The following RTP4 variants were observed in gnomAD, a reference collection of about 807,000 sequenced individuals.
RTP4 encodes the protein receptor-transporting protein 4.
RTP4 carries 5 observed loss-of-function variants against 6.5 expected under a neutral mutation model. The ratio of observed to expected loss-of-function variants is 0.77; its 90% CI spans 0.40 to 1.62. RTP4 has a LOEUF of 1.62. RTP4 is among the 40% of genes most tolerant of loss of function. The probability of loss-of-function intolerance (pLI) is 0.02; values close to 1 mark genes in which losing one functional copy is unlikely to be tolerated. For missense variants in RTP4, 266 were observed against 288.7 expected (o/e 0.92, Z 0.57); for synonymous variants, 112 against 114.8 (o/e 0.98, Z 0.15).
In RTP4 at chr3:187,368,586, G is replaced by A. The variant is rs1220614118; in HGVS notation, c.145G>A (p.Ala49Thr). Residue 49 changes from alanine to threonine, a missense_variant, in exon 1 of 2, where the codon GCA (alanine) becomes ACA (threonine). By Grantham distance (58) the Ala-to-Thr change is moderately conservative. Coordinates refer to ENST00000259030, the MANE Select transcript of RTP4 (RefSeq NM_022147.3). Reference protein sequence around the residue: ...AQGWKQYQQRAFGWFRCSSCQ... With the variant: ...AQGWKQYQQRTFGWFRCSSCQ... ...AGGGTGGAAGCAATACCAACAGAGA[G>A]CATTTGGCTGGTGAGTGTGGGTTTC... 6.2e-7 allele frequency: 1 copy of A among 1,610,714 alleles called. No individual in the cohort carries two copies. Among genetic ancestry groups the A allele is most frequent in the Admixed American group, 1.7e-5 (1 of 59,214 alleles).
chr3:187,370,778 C>T lies in RTP4; in HGVS notation c.156-10C>T, dbSNP rs373989921. 14 of 1,606,830 alleles carry T rather than the reference C, an allele frequency of 8.7e-6. No individual in the cohort carries two copies. The African/African-American group carries it at 1.3e-4, about 15-fold the overall frequency. On this transcript the variant is annotated splice_polypyrimidine_tract_variant and intron_variant, in intron 1 of 1. Transcript: ENST00000259030. Reference sequence around the variant, plus strand: ...TGAAGGCATAATGGGTGTCTTCCTTCTGACTGCAGGTTCCGGTGTTCCTCC... The same window carrying T: ...TGAAGGCATAATGGGTGTCTTCCTTTTGACTGCAGGTTCCGGTGTTCCTCC...
Position 187,370,920 on chromosome 3 carries a change from C to T in RTP4, c.288C>T (p.Cys96=). The T allele has an allele frequency of 6.2e-7, 1 of 1,614,200 alleles. No homozygotes were observed. Among genetic ancestry groups the T allele is most frequent in the South Asian group, 1.1e-5 (1 of 91,076 alleles). The change falls in exon 2 of 2, where the codon TGC becomes TGT. Residue 96 remains cysteine, a synonymous_variant. Transcript: ENST00000259030. ...MRLFGQRCQK[C]SWSQYEMPEF... ...TCTTTGGCCAAAGGTGCCAGAAGTG[C>T]TCCTGGTCCCAATATGAGATGCCTG...
chr3:187,368,900 G>A (rs1711552917), intron 1 of RTP4, among the ~76,000 whole-genome samples: 2 of 151,952 alleles, frequency 1.3e-5, no homozygotes, highest in Admixed American at 1.3e-4. Context: ...ATTTGTTCCA[G>A]ACTACCTCTA....
At position 187,372,013 on chromosome 3, in the gene RTP4, A is replaced by C. The variant is rs968034758; in HGVS notation, c.*640A>C. 3 of 152,298 alleles carry C rather than the reference A, an allele frequency of 2.0e-5. No homozygotes were observed. The highest frequency in any genetic ancestry group is 7.2e-5 in the African/African-American group (3 of 41,460). 9.4% of individuals were successfully genotyped at this position (152,298 alleles called of 1,614,324 possible). ...GCCTGCACATGGCTTTAGCCCAGTG[A>C]CACTGATTTTGGACATCTGACCTTC... is the stretch of plus-strand genomic sequence containing the variant. On this transcript the variant is annotated 3_prime_UTR_variant, in exon 2 of 2. Coordinates refer to ENST00000259030, the MANE Select transcript of RTP4 (RefSeq NM_022147.3).
chr3:187,371,434 C>A lies in RTP4; in HGVS notation c.*61C>A. On this transcript the variant is annotated 3_prime_UTR_variant, in exon 2 of 2. Coordinates refer to ENST00000259030, the MANE Select transcript of RTP4 (RefSeq NM_022147.3). ...CCATGGTAGTCAATGAACTGGCTGC[C>A]ACTTTAATATAACTGAAAATTCATT... The A allele has an allele frequency of 8.2e-7, 1 of 1,218,498 alleles. No individual in the cohort carries two copies. Among genetic ancestry groups the A allele is most frequent in the South Asian group, 1.5e-5 (1 of 68,368 alleles). The allele number at this position is 1,218,498 out of a possible 1,614,324, so 75.5% of individuals were successfully genotyped here.
At chr3:187,369,316 A>G (rs1579643255) in intron 1 of RTP4, among the ~76,000 whole-genome samples, 1 of 151,950 alleles carries the variant, frequency 6.6e-6, no homozygotes, top group Non-Finnish European at 1.5e-5. Context: ...TTTTCATCTG[A>G]CCTATTACTC....
intron 1 of RTP4, among the ~76,000 whole-genome samples, chr3:187,370,135 G>A (rs1162332776): frequency 6.6e-6 from 1 of 152,202 alleles, no homozygotes. Flanking sequence ...GTTATAGAAG[G>A]GAAGGGCTTT....
chr3:187,370,272 T>A (rs6775736), intron 1 of RTP4, among the ~76,000 whole-genome samples: 144,549 of 152,278 alleles, frequency 0.95, 69,037 homozygotes, highest in Non-Finnish European at 1. Flanking sequence ...GGTAAATGAG[T>A]TGAATTTCAG....
rs1711610444 is a variant in RTP4, at chr3:187,371,257, G to T, written c.625G>T (p.Ala209Ser). The T allele has an allele frequency of 6.2e-7, 1 of 1,612,226 alleles. No homozygotes were observed. Among genetic ancestry groups the T allele is most frequent in the African/African-American group, 1.3e-5 (1 of 74,908 alleles). ...AKNQSAEAKE[A>S]KGSGYEKLGP... ...GAACCAGTCAGCTGAGGCAAAAGAG[G>T]CTAAGGGGAGTGGGTATGAGAAATT... The change falls in exon 2 of 2, where the codon GCT becomes TCT. Residue 209 changes from alanine (A) to serine (S), a missense_variant. Coordinates refer to ENST00000259030, the MANE Select transcript of RTP4 (RefSeq NM_022147.3).
chr3:187,371,548 A>G lies in RTP4; in HGVS notation c.*175A>G. The G allele has an allele frequency of 3.4e-6, 2 of 585,244 alleles. No homozygotes were observed. The highest frequency in any genetic ancestry group is 6.0e-6 in the Non-Finnish European group (2 of 331,918). 36.3% of individuals were successfully genotyped at this position (585,244 alleles called of 1,614,324 possible). On this transcript the variant is annotated 3_prime_UTR_variant, in exon 2 of 2. Transcript: ENST00000259030. ...AGTATGAAACATGACCAAGTACATA[A>G]TGGATTTAGTAATAAATATTGTCGA...
At position 187,370,176 on chromosome 3, in the gene RTP4, T is replaced by C. The variant is rs114013075; in HGVS notation, c.156-612T>C. On this transcript the variant is annotated intron_variant, in intron 1 of 1. Coordinates refer to ENST00000259030, the MANE Select transcript of RTP4 (RefSeq NM_022147.3). ...AGGTCTTCCTGATGTAAACTGGATCTTCAACCCAGGTATGAGGGATGCAGT... is the reference window on the plus strand; with the variant it reads ...AGGTCTTCCTGATGTAAACTGGATCCTCAACCCAGGTATGAGGGATGCAGT... Among the ~76,000 whole-genome samples the C allele has an allele frequency of 3.3e-3, 499 of 152,344 alleles. 5 individuals are homozygous for C. Among genetic ancestry groups the C allele is most frequent in the African/African-American group, 0.012 (482 of 41,574 alleles).
Position 187,368,422 on chromosome 3 carries a change from C to G in RTP4, c.-20C>G, listed in dbSNP as rs748004293. 1.3e-6 allele frequency: 2 copies of G among 1,597,076 alleles called. No homozygotes were observed. The highest frequency in any genetic ancestry group is 1.1e-5 in the South Asian group (1 of 88,250). Reference sequence around the variant, plus strand: ...AACGAGCAAACCTGAAAGCTACTCTCTCAGCTTCAGAGGGAAAAAATGGTT... The same window carrying G: ...AACGAGCAAACCTGAAAGCTACTCTGTCAGCTTCAGAGGGAAAAAATGGTT... On this transcript the variant is annotated 5_prime_UTR_variant, in exon 1 of 2. Transcript: ENST00000259030.
At chr3:187,369,279 A>G (rs559624061) in intron 1 of RTP4, among the ~76,000 whole-genome samples, 78 of 152,330 alleles carry the variant, frequency 5.1e-4, no homozygotes, top group Non-Finnish European at 9.4e-4. Flanking sequence ...ATTTATTTTT[A>G]AATGACACAC....
rs1250301815 is a variant in RTP4, at chr3:187,371,378, A to C, written c.*5A>C. On this transcript the variant is annotated 3_prime_UTR_variant, in exon 2 of 2. Transcript: ENST00000259030. ...AAATGCTTTACATCAGAATGATGAA[A>C]ATAGGCTTGCCACTTTCTCTTATTT... 1 of 1,574,250 alleles carries C rather than the reference A, an allele frequency of 6.4e-7. No individual in the cohort carries two copies. The highest frequency in any genetic ancestry group is 8.6e-7 in the Non-Finnish European group (1 of 1,161,960).
Position 187,368,544 on chromosome 3 carries a change from C to G in RTP4, c.103C>G (p.Leu35Val). ...GCTGAAGTTGGATGGCAACCTTCAG[C>G]TAGACTGCCTGGCTCAAGGGTGGAA... ...WTLKLDGNLQ[L>V]DCLAQGWKQY... Residue 35 changes from leucine to valine, a missense_variant, in exon 1 of 2, where the codon CTA (leucine) becomes GTA (valine). By Grantham distance (32) the Leu-to-Val change is conservative. Coordinates refer to ENST00000259030, the MANE Select transcript of RTP4 (RefSeq NM_022147.3). The G allele has an allele frequency of 6.2e-7, 1 of 1,614,148 alleles. No individual in the cohort carries two copies. Among genetic ancestry groups the G allele is most frequent in the South Asian group, 1.1e-5 (1 of 91,088 alleles).
intron 1 of RTP4, among the ~76,000 whole-genome samples, chr3:187,370,283 A>T (rs957778239): frequency 6.6e-6 from 1 of 152,192 alleles, no homozygotes; most frequent in African/African-American, 2.4e-5. Flanking sequence ...TGAATTTCAG[A>T]TGGCCTGAGA....
In RTP4 at chr3:187,370,963, A is replaced by T. The variant is rs1711599249; in HGVS notation, c.331A>T (p.Thr111Ser). 1 of 1,614,074 alleles carries T rather than the reference A, an allele frequency of 6.2e-7. No homozygotes were observed. Among genetic ancestry groups the T allele is most frequent in the Non-Finnish European group, 8.5e-7 (1 of 1,180,046 alleles). Residue 111 changes from threonine (T) to serine (S), a missense_variant, in exon 2 of 2, where the codon ACC (threonine) becomes TCC (serine). By Grantham distance (58) the Thr-to-Ser change is moderately conservative (BLOSUM62 1). Transcript: ENST00000259030. ...YEMPEFSSDS[T>S]MRILSNLVQH... Reference sequence around the variant, plus strand: ...GATGCCTGAGTTCTCCTCGGATAGCACCATGAGGATTCTGAGCAACCTGGT... The same window carrying T: ...GATGCCTGAGTTCTCCTCGGATAGCTCCATGAGGATTCTGAGCAACCTGGT...
Position 187,371,419 on chromosome 3 carries a change from C to A in RTP4, c.*46C>A. On this transcript the variant is annotated 3_prime_UTR_variant, in exon 2 of 2. Transcript: ENST00000259030. The stretch of plus-strand genomic sequence containing the variant: ...TCTCTTATTTTAATTCCATGGTAGT[C>A]AATGAACTGGCTGCCACTTTAATAT... 1 of 1,368,282 alleles carries A rather than the reference C, an allele frequency of 7.3e-7. No individual in the cohort carries two copies. The highest frequency in any genetic ancestry group is 1.3e-5 in the South Asian group (1 of 75,976). The allele number at this position is 1,368,282 out of a possible 1,614,324, so 84.8% of individuals were successfully genotyped here.
In RTP4 at chr3:187,371,421, A is replaced by G. The variant is rs771275721; in HGVS notation, c.*48A>G. The stretch of plus-strand genomic sequence containing the variant: ...TCTTATTTTAATTCCATGGTAGTCA[A>G]TGAACTGGCTGCCACTTTAATATAA... On this transcript the variant is annotated 3_prime_UTR_variant, in exon 2 of 2. Transcript: ENST00000259030. 6.7e-6 allele frequency: 9 copies of G among 1,343,330 alleles called. No homozygotes were observed. Among genetic ancestry groups the G allele is most frequent in the African/African-American group, 4.4e-5 (3 of 68,872 alleles). The allele number at this position is 1,343,330 out of a possible 1,614,324, so 83.2% of individuals were successfully genotyped here. A position where few individuals can be genotyped will look rare whatever the true frequency, so the allele number is the denominator to read the frequency against.
Sources: gnomAD v4.1 joint callset for allele counts (sites outside exome capture counted in the v4.1 genomes callset) on GRCh38, gnomAD v4.1.1 for gene constraint, MANE v1.5 for transcripts, NCBI Gene and HGNC (gene_info 2026-07-23, HGNC 2026-07-21) for gene names.